The following GRM7 variants were observed in gnomAD, a reference collection of about 807,000 sequenced individuals.
GRM7 encodes glutamate metabotropic receptor 7.
In GRM7, 35 loss-of-function variants were observed where a neutral mutation model predicts 84.5. The ratio of observed to expected loss-of-function variants is 0.41; its 90% CI spans 0.32 to 0.55. The LOEUF (loss-of-function observed/expected upper bound fraction) is 0.55. GRM7 is among the 20% of genes least tolerant of loss of function. GRM7 has a pLI of 0.19. For missense variants in GRM7, 1,003 were observed against 1,194.6 expected (o/e 0.84, Z 2.36); for synonymous variants, 487 against 455.1 (o/e 1.07, Z -0.89).
intron 1 of GRM7, among the ~76,000 whole-genome samples, chr3:7,049,086 T>C (rs1302784618): frequency 1.3e-5 from 2 of 152,014 alleles, no homozygotes; most frequent in Non-Finnish European, 2.9e-5. Context: ...ATCTCACTCA[T>C]GTCCATTCAC....
At chr3:6,880,703 A>G (rs1309106102) in intron 1 of GRM7, among the ~76,000 whole-genome samples, 1 of 152,004 alleles carries the variant, frequency 6.6e-6, no homozygotes, top group African/African-American at 2.4e-5. Context: ...TCAGCATTCC[A>G]TCTCTCACTC....
chr3:7,301,785 C>A (rs1700010045), intron 3 of GRM7, among the ~76,000 whole-genome samples: 4 of 113,080 alleles, frequency 3.5e-5, no homozygotes, highest in Admixed American at 3.3e-4. Context: ...AAAACATGAT[C>A]TTAAACAGTG....
chr3:7,727,776 G>A (rs1440265872), intron 9 of GRM7, among the ~76,000 whole-genome samples: 2 of 152,114 alleles, frequency 1.3e-5, no homozygotes, highest in East Asian at 1.9e-4. Context: ...GTAGATATTT[G>A]TTTTATATTG....
intron 1 of GRM7, among the ~76,000 whole-genome samples, chr3:6,940,457 C>A (rs1461550879): frequency 6.6e-6 from 1 of 152,172 alleles, no homozygotes; most frequent in Non-Finnish European, 1.5e-5. Context: ...AGATCTTATG[C>A]TTTAACTCAC....
At chr3:6,954,839 G>A (rs1472387737) in intron 1 of GRM7, among the ~76,000 whole-genome samples, 4 of 152,162 alleles carry the variant, frequency 2.6e-5, no homozygotes, top group Admixed American at 6.5e-5. Context: ...TAATTAATAT[G>A]ATTATAAAGA....
intron 1 of GRM7, among the ~76,000 whole-genome samples, chr3:6,963,013 A>G (rs1693360129): frequency 6.6e-6 from 1 of 152,196 alleles, no homozygotes; most frequent in Admixed American, 6.5e-5. Context: ...GAAAACTGCC[A>G]AAGGGCCCAT....
At chr3:6,972,498 G>A (rs949662052) in intron 1 of GRM7, among the ~76,000 whole-genome samples, 16 of 152,110 alleles carry the variant, frequency 1.1e-4, no homozygotes, top group African/African-American at 3.6e-4. Context: ...TTTCATCCAG[G>A]GCCATCTCCA....
intron 7 of GRM7, among the ~76,000 whole-genome samples, chr3:7,514,868 A>G (rs1700322298): frequency 6.6e-6 from 1 of 152,146 alleles, no homozygotes; most frequent in East Asian, 1.9e-4. Context: ...CTTCGATGAA[A>G]CTTTGCTCAG....
chr3:7,389,662 T>C (rs1559287673), intron 4 of GRM7, among the ~76,000 whole-genome samples: 1 of 152,090 alleles, frequency 6.6e-6, no homozygotes, highest in Admixed American at 6.6e-5. Flanking sequence ...TTTTATATGA[T>C]AAAAGAATCA....
At chr3:7,131,480 A>C (rs1693596847) in intron 1 of GRM7, among the ~76,000 whole-genome samples, 1 of 151,822 alleles carries the variant, frequency 6.6e-6, no homozygotes, top group Non-Finnish European at 1.5e-5. Context: ...TGTATATTTT[A>C]TTTTATTTTT....
At chr3:7,707,030 T>A (rs1336599994) in intron 9 of GRM7, among the ~76,000 whole-genome samples, 2 of 152,100 alleles carry the variant, frequency 1.3e-5, no homozygotes, top group Non-Finnish European at 2.9e-5. Flanking sequence ...GGAAATGAAG[T>A]TAAAAATCAA....
intron 1 of GRM7, among the ~76,000 whole-genome samples, chr3:6,955,279 T>C (rs2125074406): frequency 6.6e-6 from 1 of 152,360 alleles, no homozygotes; most frequent in African/African-American, 2.4e-5. Context: ...CTTACGCCTG[T>C]AATCCCAGCA....
intron 4 of GRM7, among the ~76,000 whole-genome samples, chr3:7,335,827 A>G (rs1701397196): frequency 6.6e-6 from 1 of 152,094 alleles, no homozygotes; most frequent in Admixed American, 6.6e-5. Context: ...ACATTCCTGG[A>G]AATAAACAAC....
In GRM7 at chr3:6,861,186, G is replaced by C. The variant is rs993719329; in HGVS notation, c.-203G>C. On this transcript the variant is annotated 5_prime_UTR_variant, in exon 1 of 10. Coordinates refer to ENST00000357716, the MANE Select transcript of GRM7 (RefSeq NM_000844.4). This position sits in a 1 kb window ranked among gnomAD's most constrained non-coding sequence, Gnocchi z 6.4. Reference sequence around the variant, plus strand: ...GCGCGGCGCGCCGGCCGGCTAACCCGAGAGCGCGAGGCGCCCCAGGCTGGC... The same window carrying C: ...GCGCGGCGCGCCGGCCGGCTAACCCCAGAGCGCGAGGCGCCCCAGGCTGGC... 4.4e-6 allele frequency: 2 copies of C among 449,558 alleles called. 1 individual carries two copies. Among genetic ancestry groups the C allele is most frequent in the South Asian group, 1.1e-4 (2 of 18,228 alleles). 27.8% of individuals were successfully genotyped at this position (449,558 alleles called of 1,614,324 possible).
At chr3:7,093,178 T>C (rs574796313) in intron 1 of GRM7, among the ~76,000 whole-genome samples, 32 of 152,120 alleles carry the variant, frequency 2.1e-4, no homozygotes, top group African/African-American at 7.5e-4. Context: ...CTCTTCCACT[T>C]GGAGACTTCA....
chr3:6,942,067 C>G (rs1400791988), intron 1 of GRM7, among the ~76,000 whole-genome samples: 1 of 152,006 alleles, frequency 6.6e-6, no homozygotes, highest in Non-Finnish European at 1.5e-5. Flanking sequence ...GTGTTAATCA[C>G]TTTTATTTTA....
chr3:7,257,238 C>T (rs186930507), intron 2 of GRM7, among the ~76,000 whole-genome samples: 84 of 152,252 alleles, frequency 5.5e-4, no homozygotes, highest in Non-Finnish European at 1.0e-3. Context: ...GGTGTGTGTT[C>T]CTAGAAGGAA....
intron 1 of GRM7, among the ~76,000 whole-genome samples, chr3:6,873,590 C>T (rs769426474): frequency 6.6e-6 from 1 of 152,158 alleles, no homozygotes; most frequent in Non-Finnish European, 1.5e-5. Flanking sequence ...TTCTTCATGG[C>T]AAGCACTTAA....
chr3:7,119,028 C>T (rs1693133125), intron 1 of GRM7, among the ~76,000 whole-genome samples: 1 of 152,038 alleles, frequency 6.6e-6, no homozygotes. Flanking sequence ...GGGTTTAAAG[C>T]GTAGCAACAA....
Sources: gnomAD v4.1 joint callset for allele counts (sites outside exome capture counted in the v4.1 genomes callset) on GRCh38, gnomAD v4.1.1 for gene constraint, Gnocchi (gnomAD v3.1) non-coding constraint, MANE v1.5 for transcripts, NCBI Gene and HGNC (gene_info 2026-07-23, HGNC 2026-07-21) for gene names.